NCAM1: variants seen among roughly 807,000 people sequenced by gnomAD.
The protein encoded by NCAM1 is neural cell adhesion molecule 1, also known as antigen recognized by monoclonal antibody 5.1H11.
In NCAM1, 14 loss-of-function variants were observed where a neutral mutation model predicts 109.8. That is an observed-to-expected ratio of 0.13 (90% CI 0.08 to 0.20). NCAM1 has a LOEUF of 0.20. NCAM1 is among the 10% of genes least tolerant of loss of function. The pLI is 1.00. For missense variants in NCAM1, 774 were observed against 1,109.9 expected, an observed-to-expected ratio of 0.70 and a Z score of 4.30; for synonymous variants, 418 against 442.9, an observed-to-expected ratio of 0.94 and a Z score of 0.70.
chr11:113,158,316 C>A (rs966645521), intron 1 of NCAM1, among the ~76,000 whole-genome samples: 1 of 152,128 alleles, frequency 6.6e-6, no homozygotes, highest in African/African-American at 2.4e-5. Flanking sequence ...CTTCCAGAGA[C>A]CCAAGTCTGG....
At chr11:113,263,825 CTG>C (rs1555123852) in intron 17 of NCAM1, 1 of 985,498 alleles carries the variant, frequency 1.0e-6, no homozygotes, top group Non-Finnish European at 1.2e-6. Context: ...CCTACCTGGC[CTG>C]TGTGTGCTCA....
intron 1 of NCAM1, among the ~76,000 whole-genome samples, chr11:113,081,823 C>T (rs954689655): frequency 2.6e-5 from 4 of 152,200 alleles, no homozygotes; most frequent in African/African-American, 7.2e-5. Flanking sequence ...CGTGAGCCAT[C>T]GCGCCGTCTT....
chr11:113,225,911 C>G (rs1008180674), intron 9 of NCAM1, among the ~76,000 whole-genome samples: 6 of 152,138 alleles, frequency 3.9e-5, no homozygotes, highest in African/African-American at 1.4e-4. Context: ...CAGGCCTGCC[C>G]TACAAGAGCT....
At chr11:113,151,906 C>T (rs1166330316) in intron 1 of NCAM1, among the ~76,000 whole-genome samples, 1 of 152,128 alleles carries the variant, frequency 6.6e-6, no homozygotes, top group African/African-American at 2.4e-5. Context: ...AGGAGTGAAC[C>T]ACAGAACAGA....
At chr11:113,025,986 T>C (rs1320119277) in intron 1 of NCAM1, among the ~76,000 whole-genome samples, 2 of 152,214 alleles carry the variant, frequency 1.3e-5, no homozygotes, top group African/African-American at 4.8e-5. Context: ...CATCATCAGC[T>C]AATGCTTATT....
chr11:113,235,796 G>A lies in NCAM1; in HGVS notation c.1825+632G>A, dbSNP rs1176501738. On this transcript the variant is annotated intron_variant, in intron 14 of 19. Transcript: ENST00000316851. ...GATTCCACTCAGGGATGTATCTCTA[G>A]GTTTTCCTCGGCCATTCCCTCTTTC... Among the ~76,000 whole-genome samples, 4 of 152,140 alleles carry A rather than the reference G, an allele frequency of 2.6e-5. No homozygotes were observed. The East Asian group carries it at 7.7e-4, about 29-fold the overall frequency.
chr11:113,113,182 G>A (rs1940524194), intron 1 of NCAM1, among the ~76,000 whole-genome samples: 1 of 152,124 alleles, frequency 6.6e-6, no homozygotes, highest in South Asian at 2.1e-4. Flanking sequence ...TAGCTACCGT[G>A]TTTCATATCT....
intron 1 of NCAM1, among the ~76,000 whole-genome samples, chr11:113,062,282 T>C (rs1937700353): frequency 6.6e-6 from 1 of 152,198 alleles, no homozygotes; most frequent in Non-Finnish European, 1.5e-5. Flanking sequence ...CTGGCACCAC[T>C]GAGTGGTGTT....
intron 1 of NCAM1, among the ~76,000 whole-genome samples, chr11:112,998,557 C>A (rs1555071825): frequency 6.6e-6 from 1 of 152,002 alleles, no homozygotes; most frequent in Non-Finnish European, 1.5e-5. Context: ...AATAATTGCC[C>A]CACCCTCACC....
chr11:112,999,364 A>G (rs1951684310), intron 1 of NCAM1, among the ~76,000 whole-genome samples: 1 of 152,322 alleles, frequency 6.6e-6, no homozygotes, highest in South Asian at 2.1e-4. Flanking sequence ...TAAAAGTGCC[A>G]CTGAAACATA....
At chr11:113,121,537 CAAAAAA>C (rs3051887) in intron 1 of NCAM1, among the ~76,000 whole-genome samples, 15 of 92,430 alleles carry the variant, frequency 1.6e-4, no homozygotes, top group African/African-American at 4.5e-4. Flanking sequence ...ACCAATCTTA[CAAAAAA>C]AAAAAAAAAA....
chr11:113,182,403 G>A (rs2136601171), intron 1 of NCAM1, among the ~76,000 whole-genome samples: 1 of 152,266 alleles, frequency 6.6e-6, no homozygotes, highest in South Asian at 2.1e-4. Context: ...TGGCCCTGAT[G>A]CTTCTCTTCT....
intron 1 of NCAM1, among the ~76,000 whole-genome samples, chr11:113,199,647 G>A (rs1476937987): frequency 1.3e-4 from 20 of 151,182 alleles, no homozygotes; most frequent in Middle Eastern, 3.4e-3. Context: ...GTGGGGGGAC[G>A]GGGGAGGGAT....
intron 1 of NCAM1, among the ~76,000 whole-genome samples, chr11:113,178,446 T>G (rs1943234460): frequency 6.6e-6 from 1 of 152,188 alleles, no homozygotes; most frequent in Non-Finnish European, 1.5e-5. Context: ...ATTAGCAGAT[T>G]GATGAAACGT....
Position 112,963,120 on chromosome 11 carries a change from C to T in NCAM1, c.52+1456C>T, listed in dbSNP as rs1591190902. 1 of 152,208 alleles carries T rather than the reference C, an allele frequency of 6.6e-6. No individual in the cohort carries two copies. Among genetic ancestry groups the T allele is most frequent in the Non-Finnish European group, 1.5e-5 (1 of 68,242 alleles). 9.4% of individuals were successfully genotyped at this position (152,208 alleles called of 1,614,324 possible). On this transcript the variant is annotated intron_variant, in intron 1 of 19. Coordinates refer to ENST00000316851, the MANE Select transcript of NCAM1 (RefSeq NM_181351.5). This position sits in a 1 kb window ranked among gnomAD's most constrained non-coding sequence, Gnocchi z 4.6. ...GTGCGAAGCTGGCTGGGCGGGAAGC[C>T]GCGAGAGGCTTTTATTGCGGCGCGG...
chr11:113,167,475 G>A (rs1303562213), intron 1 of NCAM1, among the ~76,000 whole-genome samples: 1 of 150,826 alleles, frequency 6.6e-6, no homozygotes, highest in Non-Finnish European at 1.5e-5. Flanking sequence ...GAAGGTGGGT[G>A]TCATTTGCTA....
At chr11:113,264,921 G>A (rs1229024271) in intron 17 of NCAM1, 7 of 985,658 alleles carry the variant, frequency 7.1e-6, no homozygotes, top group South Asian at 9.4e-5. Context: ...CCCCAGCCCC[G>A]CCAGGAGTCC....
chr11:113,264,673 C>T, intron 17 of NCAM1: 3 of 985,512 alleles, frequency 3.0e-6, no homozygotes, highest in Non-Finnish European at 3.6e-6. Flanking sequence ...AGGAGAGGGG[C>T]AGTGTCCATC....
intron 1 of NCAM1, among the ~76,000 whole-genome samples, chr11:113,172,083 T>A (rs1555106336): frequency 6.6e-6 from 1 of 152,190 alleles, no homozygotes; most frequent in African/African-American, 2.4e-5. Context: ...CTGGGGACAC[T>A]TTGATCTTGG....
Sources: allele counts gnomAD v4.1 joint callset (sites outside exome capture counted in the v4.1 genomes callset), GRCh38; gene constraint gnomAD v4.1.1; non-coding constraint Gnocchi (gnomAD v3.1); transcripts MANE v1.5; gene names NCBI Gene and HGNC (gene_info 2026-07-23, HGNC 2026-07-21).